HIRA: variants seen among roughly 807,000 people sequenced by gnomAD.
HIRA encodes protein HIRA.
HIRA carries 13 observed loss-of-function variants against 126.6 expected under a neutral mutation model. The observed-to-expected ratio is 0.10, with a 90% CI of 0.07 to 0.16. HIRA has a LOEUF of 0.16. Among genes scored for constraint, HIRA ranks in the 10% least tolerant of loss-of-function variants. The pLI is 1.00. For synonymous variants in HIRA, 511 were observed against 520.0 expected (o/e 0.98, Z 0.24); for missense variants, 834 against 1,314.4 (o/e 0.63, Z 5.65).
rs2088867396 is a variant in HIRA, at chr22:19,361,886, G to C, written c.1821C>G (p.Leu607=). ...CATCGCTGTCACTGCTGCTCTCCAG[G>C]AGGTCTCGGGGCCTCAGCTCTTTCA... ...NLVKELRPRD[L]LESSSDSDEK... The change falls in exon 16 of 25, where the codon CTC becomes CTG. Residue 607 remains leucine (L), a synonymous_variant. Transcript: ENST00000263208. The C allele has an allele frequency of 6.2e-7, 1 of 1,614,100 alleles. No individual in the cohort carries two copies. Among genetic ancestry groups the C allele is most frequent in the African/African-American group, 1.3e-5 (1 of 74,940 alleles).
At chr22:19,359,214 G>A in intron 18 of HIRA, 122 bp downstream of exon 18, 1 of 1,046,644 alleles carries the variant, frequency 9.6e-7, no homozygotes, top group East Asian at 3.0e-5. Context: ...GAAGCCTGGT[G>A]TGAGTCTCTG....
chr22:19,384,256 G>A (rs5746731), intron 12 of HIRA, among the ~76,000 whole-genome samples: 4,554 of 149,494 alleles, frequency 0.03, 139 homozygotes, highest in South Asian at 0.13. Context: ...CCAGGGAGTC[G>A]GAGGTTGCAG....
chr22:19,427,735 C>T (rs183907180), intron 1 of HIRA, among the ~76,000 whole-genome samples: 9 of 152,314 alleles, frequency 5.9e-5, no homozygotes, highest in South Asian at 2.1e-4. Flanking sequence ...TGAGCATAAG[C>T]GCTGTCTGCC....
chr22:19,412,578 T>G (rs953367071), intron 1 of HIRA, among the ~76,000 whole-genome samples: 1 of 152,198 alleles, frequency 6.6e-6, no homozygotes, highest in Admixed American at 6.5e-5. Flanking sequence ...GGGCGGAACA[T>G]TCCCCTCCCC....
At chr22:19,394,863 C>T (rs537550180) in intron 7 of HIRA, among the ~76,000 whole-genome samples, 30 of 152,352 alleles carry the variant, frequency 2.0e-4, no homozygotes, top group Admixed American at 1.0e-3. Context: ...TGTGTAGCAC[C>T]TGTTAACCCA....
chr22:19,385,198 G>C (rs2089115333), intron 12 of HIRA, among the ~76,000 whole-genome samples: 1 of 152,150 alleles, frequency 6.6e-6, no homozygotes, highest in Admixed American at 6.5e-5. Flanking sequence ...GCCCATAGAA[G>C]TCTCCTAAGG....
Position 19,385,563 on chromosome 22 carries a change from G to A in HIRA, c.1287C>T (p.Val429=), listed in dbSNP as rs981418104. ...ATREMGSATS[V]AGVVNGESLE... ...GACTCTCCCCGTTGACAACGCCTGCGACTGAGGTGGCTGAGCCCATCTCCC... is the reference window on the plus strand; with the variant it reads ...GACTCTCCCCGTTGACAACGCCTGCAACTGAGGTGGCTGAGCCCATCTCCC... Residue 429 remains valine, a synonymous_variant, in exon 12 of 25, where the codon GTC becomes GTT. Transcript: ENST00000263208. The A allele has an allele frequency of 1.4e-5, 22 of 1,614,006 alleles. No homozygotes were observed. The highest frequency in any genetic ancestry group is 1.9e-5 in the Non-Finnish European group (22 of 1,180,060).
intron 24 of HIRA, among the ~76,000 whole-genome samples, chr22:19,340,385 A>C (rs1161621716): frequency 6.6e-6 from 1 of 152,172 alleles, no homozygotes; most frequent in Non-Finnish European, 1.5e-5. Flanking sequence ...AATAAAAGCC[A>C]CTATGACAAA....
At chr22:19,405,252 A>T (rs770403265) in intron 5 of HIRA, among the ~76,000 whole-genome samples, 1 of 152,148 alleles carries the variant, frequency 6.6e-6, no homozygotes, top group Non-Finnish European at 1.5e-5. Context: ...CAGACTCCTA[A>T]GTCAAGTCTA....
In HIRA at chr22:19,359,323, T is replaced by A. The variant is rs1257829680; in HGVS notation, c.2234+13A>T. On this transcript the variant is annotated intron_variant, in intron 18 of 24. Coordinates refer to ENST00000263208, the MANE Select transcript of HIRA (RefSeq NM_003325.4). Reference sequence around the variant, plus strand: ...GTGTCACCTGGGCCGGCTAAGGACCTGCCCACCCTTACCAGCTGCCCGCAG... The same window carrying A: ...GTGTCACCTGGGCCGGCTAAGGACCAGCCCACCCTTACCAGCTGCCCGCAG... The A allele has an allele frequency of 6.4e-7, 1 of 1,554,430 alleles. No homozygotes were observed. Among genetic ancestry groups the A allele is most frequent in the Non-Finnish European group, 8.7e-7 (1 of 1,148,914 alleles).
chr22:19,369,797 T>C (rs944966679), intron 15 of HIRA, among the ~76,000 whole-genome samples: 2 of 152,108 alleles, frequency 1.3e-5, no homozygotes, highest in African/African-American at 2.4e-5. Flanking sequence ...CCGGGCGTCA[T>C]GGCATACACC....
At chr22:19,355,947 C>A in intron 20 of HIRA, 82 bp from the exon 21 acceptor site, 2 of 992,996 alleles carry the variant, frequency 2.0e-6, no homozygotes, top group South Asian at 1.4e-5. Context: ...AATCTGTACT[C>A]TAGGCTCCCA....
chr22:19,377,597 G>A (rs1205661356), intron 14 of HIRA, among the ~76,000 whole-genome samples: 1 of 152,074 alleles, frequency 6.6e-6, no homozygotes, highest in Non-Finnish European at 1.5e-5. Context: ...CCTGCAGCAC[G>A]TAGCATTTCA....
intron 24 of HIRA, among the ~76,000 whole-genome samples, chr22:19,350,738 G>A (rs1556010605): frequency 6.6e-6 from 1 of 152,028 alleles, no homozygotes; most frequent in Non-Finnish European, 1.5e-5. Context: ...TCCACCTCCT[G>A]CCTCATTTCA....
intron 23 of HIRA, among the ~76,000 whole-genome samples, chr22:19,352,673 A>AT (rs1556011246): frequency 6.6e-6 from 1 of 152,152 alleles, no homozygotes; most frequent in Non-Finnish European, 1.5e-5. Context: ...CTGTACTTAA[A>AT]TTTTTTTCTA....
At chr22:19,413,768 C>A (rs181482927) in intron 1 of HIRA, among the ~76,000 whole-genome samples, 1 of 152,136 alleles carries the variant, frequency 6.6e-6, no homozygotes, top group East Asian at 1.9e-4. Flanking sequence ...CCTGCTACCA[C>A]GCCCAGCTAA....
intron 24 of HIRA, among the ~76,000 whole-genome samples, chr22:19,340,133 C>T (rs904086073): frequency 6.6e-5 from 10 of 152,034 alleles, no homozygotes; most frequent in African/African-American, 2.4e-4. Context: ...CAAAATACTA[C>T]CTAATCGAAT....
chr22:19,423,512 CACACACACACACAT>C lies in HIRA; in HGVS notation c.37+7914_37+7927del, dbSNP rs773502524. On this transcript the variant is annotated intron_variant, in intron 1 of 24. Coordinates refer to ENST00000263208, the MANE Select transcript of HIRA (RefSeq NM_003325.4). The stretch of plus-strand genomic sequence containing the variant: ...ACACACACACACACACACACACACA[CACACACACACACAT>C]ATTTTCAGCTCTTAAAACAGCAGTG... Among the ~76,000 whole-genome samples, 1,097 of 112,800 alleles carry C rather than the reference CACACACACACACAT, an allele frequency of 9.7e-3. 10 individuals are homozygous for C. Among genetic ancestry groups the C allele is most frequent in the African/African-American group, 0.026 (851 of 32,984 alleles). The allele number at this position is 112,800 out of a possible 152,430, so 74.0% of individuals were successfully genotyped here.
At chr22:19,400,676 C>T (rs989493152) in intron 5 of HIRA, among the ~76,000 whole-genome samples, 1 of 151,980 alleles carries the variant, frequency 6.6e-6, no homozygotes, top group Non-Finnish European at 1.5e-5. Context: ...CACAGGAGAC[C>T]CTCCCCTCAC....
Sources: allele counts gnomAD v4.1 joint callset (sites outside exome capture counted in the v4.1 genomes callset), GRCh38; gene constraint gnomAD v4.1.1; transcripts MANE v1.5; gene names NCBI Gene and HGNC (gene_info 2026-07-23, HGNC 2026-07-21).